The following RAB13 variants were observed in gnomAD, a reference collection of about 807,000 sequenced individuals.
RAB13 encodes ras-related protein Rab-13.
RAB13 carries 15 observed loss-of-function variants against 29.3 expected under a neutral mutation model. The observed-to-expected ratio is 0.51, with a 90% CI of 0.34 to 0.79. The LOEUF (loss-of-function observed/expected upper bound fraction) is 0.79, where lower values mean the gene tolerates loss of function less well. Among genes scored for constraint, RAB13 ranks in the 30% least tolerant of loss-of-function variants. The pLI is 0.01. For missense variants in RAB13, 186 were observed against 255.5 expected (o/e 0.73, Z 1.85); for synonymous variants, 82 against 93.8 (o/e 0.87, Z 0.73).
intron 5 of RAB13, 31 bp downstream of exon 5, chr1:153,982,688 G>A: frequency 7.4e-6 from 12 of 1,613,576 alleles, no homozygotes; most frequent in Non-Finnish European, 1.0e-5. Flanking sequence ...TCCCAGCCCA[G>A]TTCTAGAACA....
intron 1 of RAB13, 191 bp from the exon 2 acceptor site, chr1:153,984,972 A>G: frequency 7.6e-7 from 1 of 1,319,064 alleles, no homozygotes; most frequent in Non-Finnish European, 9.6e-7. Context: ...CAAGAATACT[A>G]TTTTTACGTA....
chr1:153,989,353 C>A (rs1649283492), upstream of RAB13, among the ~76,000 whole-genome samples: 1 of 149,062 alleles, frequency 6.7e-6, no homozygotes, highest in Non-Finnish European at 1.5e-5. Flanking sequence ...GGGTTCACGC[C>A]ATTCTCCTGT....
intron 1 of RAB13, 151 bp downstream of exon 1, chr1:153,985,962 G>T: frequency 7.3e-7 from 1 of 1,372,108 alleles, no homozygotes. Context: ...ACAGAGACAT[G>T]CACGGGGGAA....
chr1:153,983,683 G>A (rs1266307608), intron 2 of RAB13, 102 bp from the exon 3 acceptor site: 4 of 1,019,130 alleles, frequency 3.9e-6, no homozygotes, highest in Non-Finnish European at 4.5e-6. Flanking sequence ...AACATGGTGG[G>A]GCAACAGAAT....
rs1406980403 is a variant in RAB13, at chr1:153,983,264, C to G, written c.279G>C (p.Glu93Asp). ...AGTTCTGAATATTCTCGAAAGATTTCTCATCCGTGATGTCGTATACTAGGA... is the reference window on the plus strand; with the variant it reads ...AGTTCTGAATATTCTCGAAAGATTTGTCATCCGTGATGTCGTATACTAGGA... The part of the protein sequence containing the change: ...GIILVYDITD[E>D]KSFENIQNWM... The change falls in exon 4 of 8, where the codon GAG (glutamate) becomes GAC (aspartate). Residue 93 changes from glutamate (E) to aspartate (D), a missense_variant. Glu to Asp is a conservative substitution (Grantham distance 45). Transcript: ENST00000368575. 1 of 1,613,930 alleles carries G rather than the reference C, an allele frequency of 6.2e-7. No homozygotes were observed. Among genetic ancestry groups the G allele is most frequent in the Non-Finnish European group, 8.5e-7 (1 of 1,179,950 alleles).
chr1:153,983,694 A>G, intron 2 of RAB13, 113 bp from the exon 3 acceptor site: 2 of 895,316 alleles, frequency 2.2e-6, no homozygotes, highest in South Asian at 3.0e-5. Flanking sequence ...GCAACAGAAT[A>G]AGGAAACAGT....
rs760704492 is a variant in RAB13, at chr1:153,983,258, A to G, written c.285T>C (p.Ser95=). 1 of 1,614,076 alleles carries G rather than the reference A, an allele frequency of 6.2e-7. No individual in the cohort carries two copies. Among genetic ancestry groups the G allele is most frequent in the Non-Finnish European group, 8.5e-7 (1 of 1,179,944 alleles). ...TCATCCAGTTCTGAATATTCTCGAAAGATTTCTCATCCGTGATGTCGTATA... is the reference window on the plus strand; with the variant it reads ...TCATCCAGTTCTGAATATTCTCGAAGGATTTCTCATCCGTGATGTCGTATA... ...ILVYDITDEK[S]FENIQNWMKS... is the part of the protein sequence containing the mutation. The change falls in exon 4 of 8, where the codon TCT becomes TCC. Residue 95 remains serine (S), a synonymous_variant. Coordinates refer to ENST00000368575, the MANE Select transcript of RAB13 (RefSeq NM_002870.5).
chr1:153,983,682 G>T, intron 2 of RAB13, 101 bp from the exon 3 acceptor site: 1 of 1,030,778 alleles, frequency 9.7e-7, no homozygotes, highest in Non-Finnish European at 1.5e-6. Context: ...TAACATGGTG[G>T]GGCAACAGAA....
At chr1:153,982,334 C>A in intron 7 of RAB13, 57 bp downstream of exon 7, 1 of 1,457,882 alleles carries the variant, frequency 6.9e-7, no homozygotes, top group Non-Finnish European at 9.5e-7. Context: ...CACACACACA[C>A]ATACATACAC....
In RAB13 at chr1:153,982,801, G is replaced by A. The variant is rs763159582; in HGVS notation, c.332C>T (p.Ser111Leu). 1.3e-5 allele frequency: 21 copies of A among 1,613,970 alleles called. 1 individual carries two copies. The highest frequency in any genetic ancestry group is 5.0e-5 in the Admixed American group (3 of 59,994). Residue 111 changes from serine (S) to leucine (L), a missense_variant, in exon 5 of 8, where the codon TCG becomes TTG. Coordinates refer to ENST00000368575, the MANE Select transcript of RAB13 (RefSeq NM_002870.5). ...NWMKSIKENA[S>L]AGVERLLLGN... Reference sequence around the variant, plus strand: ...CAGCAAGAGGCGCTCCACCCCAGCCGAGGCATTCTGGGGGCAAAAGACAAG... The same window carrying A: ...CAGCAAGAGGCGCTCCACCCCAGCCAAGGCATTCTGGGGGCAAAAGACAAG...
rs956268834 is a variant in RAB13, at chr1:153,986,051, C to A, written c.124+62G>T. The A allele has an allele frequency of 5.0e-6, 8 of 1,604,768 alleles. No individual in the cohort carries two copies. In the African/African-American group the frequency reaches 1.1e-4, roughly 21 times the overall value. ...ACTGAAAAGTGGGGTCACTAGTAAT[C>A]CGGGAGCCGGAGAAGGAGGTCACAG... On this transcript the variant is annotated intron_variant, in intron 1 of 7. Coordinates refer to ENST00000368575, the MANE Select transcript of RAB13 (RefSeq NM_002870.5).
In RAB13 at chr1:153,981,731, G is replaced by A. The variant is rs1024380411; in HGVS notation, c.*368C>T. On this transcript the variant is annotated 3_prime_UTR_variant, in exon 8 of 8. Coordinates refer to ENST00000368575, the MANE Select transcript of RAB13 (RefSeq NM_002870.5). The stretch of plus-strand genomic sequence containing the variant: ...GGAGCAAATTCCCTAGTGTAGTGCC[G>A]AGCTAGCCTTTTGCAGGACCCTAAA... 1.2e-5 allele frequency: 3 copies of A among 259,486 alleles called. No individual in the cohort carries two copies. Among genetic ancestry groups the A allele is most frequent in the African/African-American group, 6.7e-5 (3 of 44,994 alleles). 16.1% of individuals were successfully genotyped at this position (259,486 alleles called of 1,614,324 possible). A position where few individuals can be genotyped will look rare whatever the true frequency, so the allele number is the denominator to read the frequency against.
upstream of RAB13, chr1:153,990,701 A>G: frequency 2.0e-6 from 3 of 1,529,360 alleles, no homozygotes; most frequent in Admixed American, 3.4e-5. Flanking sequence ...TGGTGGCACA[A>G]GATCCTTGCG....
upstream of RAB13, among the ~76,000 whole-genome samples, chr1:153,988,156 A>G (rs917235919): frequency 1.3e-5 from 2 of 150,978 alleles, no homozygotes; most frequent in African/African-American, 4.9e-5. Flanking sequence ...CACCACGCCC[A>G]GCTAATTTTT....
chr1:153,986,708 A>G (rs200509122), upstream of RAB13, among the ~76,000 whole-genome samples: 2 of 80,500 alleles, frequency 2.5e-5, no homozygotes, highest in African/African-American at 6.5e-5. Flanking sequence ...CTAGAAATTG[A>G]AAAAAAAAAA....
upstream of RAB13, among the ~76,000 whole-genome samples, chr1:153,987,668 G>A (rs1210951219): frequency 6.6e-6 from 1 of 151,086 alleles, no homozygotes; most frequent in African/African-American, 2.4e-5. Context: ...GACCTGTTGC[G>A]GTGGCTCACA....
At chr1:153,982,331 A>ACG (rs1649007182) in intron 7 of RAB13, 60 bp downstream of exon 7, 3 of 1,507,474 alleles carry the variant, frequency 2.0e-6, no homozygotes, top group Admixed American at 1.7e-5. Context: ...ACACACACAC[A>ACG]CACATACATA....
At position 153,983,078 on chromosome 1, in the gene RAB13, T is replaced by C. The variant is rs562089951; in HGVS notation, c.324+141A>G. 12 of 822,498 alleles carry C rather than the reference T, an allele frequency of 1.5e-5. No homozygotes were observed. In the East Asian group the frequency reaches 2.4e-4, roughly 17 times the overall value. The allele number at this position is 822,498 out of a possible 1,614,324, so 50.9% of individuals were successfully genotyped here. A position where few individuals can be genotyped will look rare whatever the true frequency, so the allele number is the denominator to read the frequency against. On this transcript the variant is annotated intron_variant, in intron 4 of 7. Transcript: ENST00000368575. ...AGGCAGAGGTTGCAGTGAGCCGAGA[T>C]CCTGCCATTGCACTCCAGCCCGGGC...
chr1:153,982,210 AATGG>A (rs767311920), intron 7 of RAB13, 34 bp from the exon 8 acceptor site: 2 of 1,590,578 alleles, frequency 1.3e-6, no homozygotes. Context: ...TCATGGTGTG[AATGG>A]ATGGTTAGGG....
Sources: gnomAD v4.1 joint callset for allele counts (sites outside exome capture counted in the v4.1 genomes callset) on GRCh38, gnomAD v4.1.1 for gene constraint, MANE v1.5 for transcripts, NCBI Gene and HGNC (gene_info 2026-07-23, HGNC 2026-07-21) for gene names.